PTPRZ1: variants seen among roughly 807,000 people sequenced by gnomAD.
PTPRZ1 encodes protein tyrosine phosphatase receptor type Z1, also known as receptor-type tyrosine-protein phosphatase zeta.
A neutral mutation model predicts 214.1 loss-of-function variants in PTPRZ1; 82 were observed. The ratio of observed to expected loss-of-function variants is 0.38; its 90% confidence interval spans 0.32 to 0.46. The LOEUF (loss-of-function observed/expected upper bound fraction) is 0.46. PTPRZ1 is among the 20% of genes least tolerant of loss of function. The probability of loss-of-function intolerance (pLI) is 1.00; values close to 1 mark genes in which losing one functional copy is unlikely to be tolerated. For synonymous variants in PTPRZ1, 945 were observed against 987.9 expected (o/e 0.96, Z 0.81); for missense variants, 2,603 against 2,748.7 (o/e 0.95, Z 1.19).
At chr7:121,887,062 G>A (rs200907518) in intron 1 of PTPRZ1, among the ~76,000 whole-genome samples, 10 of 74,450 alleles carry the variant, frequency 1.3e-4, no homozygotes, top group Non-Finnish European at 2.4e-4. Flanking sequence ...TACTTTGTCT[G>A]TGCTAACACA....
At chr7:121,926,318 G>A (rs1309427843) in intron 1 of PTPRZ1, among the ~76,000 whole-genome samples, 1 of 110,726 alleles carries the variant, frequency 9.0e-6, no homozygotes. Context: ...AAAAAAAAAG[G>A]ATTACAATTA....
intron 6 of PTPRZ1, among the ~76,000 whole-genome samples, chr7:121,980,689 C>G (rs1394372422): frequency 6.6e-6 from 1 of 152,218 alleles, no homozygotes; most frequent in Non-Finnish European, 1.5e-5. Context: ...TCAGAAGTTT[C>G]TGTTACAGAA....
intron 1 of PTPRZ1, among the ~76,000 whole-genome samples, chr7:121,915,181 C>G (rs2116323356): frequency 6.6e-6 from 1 of 152,210 alleles, no homozygotes; most frequent in East Asian, 1.9e-4. Context: ...AATGGATCAC[C>G]ATCCCAAATC....
At chr7:122,030,268 G>T (rs1314785825) in intron 14 of PTPRZ1, among the ~76,000 whole-genome samples, 8 of 151,926 alleles carry the variant, frequency 5.3e-5, no homozygotes, top group Admixed American at 5.3e-4. Flanking sequence ...CAAAATGAAT[G>T]TTAGTCTCAC....
At chr7:122,022,894 G>A (rs545571652) in intron 13 of PTPRZ1, among the ~76,000 whole-genome samples, 3 of 152,082 alleles carry the variant, frequency 2.0e-5, no homozygotes, top group South Asian at 4.1e-4. Flanking sequence ...CAATGGAATC[G>A]AACTGAGAAC....
intron 15 of PTPRZ1, 165 bp from the exon 16 acceptor site, chr7:122,033,930 C>T: frequency 1.7e-6 from 1 of 582,608 alleles, no homozygotes; most frequent in Non-Finnish European, 3.0e-6. Context: ...TTTTGATTTG[C>T]ATGCAACTGT....
intron 2 of PTPRZ1, among the ~76,000 whole-genome samples, chr7:121,961,430 A>G (rs1796873534): frequency 6.6e-6 from 1 of 152,224 alleles, no homozygotes; most frequent in African/African-American, 2.4e-5. Context: ...TCTGCCTGTC[A>G]TAATTCTGTC....
intron 23 of PTPRZ1, among the ~76,000 whole-genome samples, chr7:122,048,231 A>G (rs748885629): frequency 2.0e-5 from 3 of 152,146 alleles, no homozygotes; most frequent in Non-Finnish European, 4.4e-5. Flanking sequence ...AATTAAATAG[A>G]AAATTAAAAT....
intron 4 of PTPRZ1, among the ~76,000 whole-genome samples, chr7:121,974,641 C>G (rs1229083038): frequency 1.7e-4 from 26 of 152,110 alleles, no homozygotes; most frequent in Admixed American, 1.7e-3. Flanking sequence ...GTGCATGCCA[C>G]CATGCCCAGC....
chr7:121,906,234 T>C (rs1169980671), intron 1 of PTPRZ1, among the ~76,000 whole-genome samples: 1 of 152,206 alleles, frequency 6.6e-6, no homozygotes, highest in East Asian at 1.9e-4. Flanking sequence ...CTAAAGACTG[T>C]ATCAAGGATG....
chr7:121,993,586 A>C (rs1288026652), intron 8 of PTPRZ1, among the ~76,000 whole-genome samples: 2 of 151,430 alleles, frequency 1.3e-5, no homozygotes, highest in East Asian at 1.9e-4. Context: ...AAAAAAAAAA[A>C]AAAAAAAACA....
intron 2 of PTPRZ1, among the ~76,000 whole-genome samples, chr7:121,964,350 T>C (rs560693462): frequency 1.6e-4 from 25 of 152,292 alleles, no homozygotes; most frequent in African/African-American, 5.1e-4. Flanking sequence ...GAAGCAAATA[T>C]GTCTTTCTTC....
Position 122,037,143 on chromosome 7 carries a change from C to T in PTPRZ1, c.5367+461C>T, listed in dbSNP as rs556815689. On this transcript the variant is annotated intron_variant, in intron 18 of 29. Coordinates refer to ENST00000393386, the MANE Select transcript of PTPRZ1 (RefSeq NM_002851.3). ...AAAAAAAATTAGCTGGGCGTTGTGG[C>T]GGGCGCCTGTAGTCCCAGCTACTCG... Among the ~76,000 whole-genome samples the T allele has an allele frequency of 7.0e-4, 106 of 151,998 alleles. 2 individuals carry two copies. The South Asian group carries it at 0.021, about 30-fold the overall frequency.
intron 1 of PTPRZ1, among the ~76,000 whole-genome samples, chr7:121,927,403 T>G (rs1384211848): frequency 6.6e-6 from 1 of 152,216 alleles, no homozygotes; most frequent in Admixed American, 6.5e-5. Context: ...GAAGCAGGCA[T>G]GGCTCCTGGC....
rs10249737 is a variant in PTPRZ1 at position 121,929,275 on chromosome 7, G to A, written c.124+1054G>A. ...ATATTTTATTTATAGAGTTATGCAT[G>A]CAGTTTACTCTTAAAATTATATTTA... On this transcript the variant is annotated intron_variant, in intron 2 of 29. Coordinates refer to ENST00000393386, the MANE Select transcript of PTPRZ1 (RefSeq NM_002851.3). Among the ~76,000 whole-genome samples, 769 of 152,006 alleles carry A rather than the reference G, an allele frequency of 5.1e-3. 7 individuals are homozygous for A. Among genetic ancestry groups the A allele is most frequent in the African/African-American group, 0.018 (727 of 41,474 alleles).
intron 3 of PTPRZ1, among the ~76,000 whole-genome samples, chr7:121,972,261 A>G (rs1422793168): frequency 6.6e-6 from 1 of 151,994 alleles, no homozygotes; most frequent in Non-Finnish European, 1.5e-5. Context: ...AGTAACAGCT[A>G]TCTTAGGACA....
chr7:122,038,534 T>C (rs1240677552), intron 18 of PTPRZ1, among the ~76,000 whole-genome samples: 1 of 104,508 alleles, frequency 9.6e-6, no homozygotes. Flanking sequence ...TTTTTTTTTT[T>C]ACAAAAATGA....
At position 121,996,432 on chromosome 7, in the gene PTPRZ1, A is replaced by C; in HGVS notation, c.979A>C (p.Ser327Arg). The stretch of plus-strand genomic sequence containing the variant: ...TCAGGCTGACCCAGAGAATTATACC[A>C]GCCTTCTTGTTACATGGGAAAGACC... ...NVQADPENYT[S>R]LLVTWERPRV... is the part of the protein sequence containing the mutation. Residue 327 changes from serine (S) to arginine (R), a missense_variant, in exon 9 of 30, where the codon AGC becomes CGC. Physicochemically the swap from Ser to Arg is moderately radical, Grantham distance 110 (BLOSUM62 -1). Coordinates refer to ENST00000393386, the MANE Select transcript of PTPRZ1 (RefSeq NM_002851.3). The C allele has an allele frequency of 6.2e-7, 1 of 1,613,150 alleles. No individual in the cohort carries two copies. Among genetic ancestry groups the C allele is most frequent in the South Asian group, 1.1e-5 (1 of 90,882 alleles).
intron 1 of PTPRZ1, among the ~76,000 whole-genome samples, chr7:121,897,310 T>TA: frequency 1.3e-5 from 2 of 152,258 alleles, no homozygotes; most frequent in East Asian, 1.9e-4. Context: ...ATGGTGGAGA[T>TA]ACAGTTTGAA....
Sources: allele counts gnomAD v4.1 joint callset (sites outside exome capture counted in the v4.1 genomes callset), GRCh38; gene constraint gnomAD v4.1.1; transcripts MANE v1.5; gene names NCBI Gene and HGNC (gene_info 2026-07-23, HGNC 2026-07-21).